MMP21: variants seen among roughly 807,000 people sequenced by gnomAD.
MMP21 encodes the protein matrix metallopeptidase 21.
A neutral mutation model predicts 47.8 loss-of-function variants in MMP21; 40 were observed. That is an observed-to-expected ratio of 0.84 (90% CI 0.65 to 1.09). MMP21 has a LOEUF of 1.09. Ranked by LOEUF, MMP21 falls within the 50% of genes least tolerant of loss-of-function variation. The pLI, the probability that MMP21 is intolerant of heterozygous loss-of-function variation, is 0.00. For synonymous variants in MMP21, 341 were observed against 318.0 expected (o/e 1.07, Z -0.77); for missense variants, 747 against 775.3 (o/e 0.96, Z 0.43).
Position 125,766,638 on chromosome 10 carries a change from C to T in MMP21, c.*24G>A. 6.4e-7 allele frequency: 1 copy of T among 1,556,398 alleles called. No homozygotes were observed. The highest frequency in any genetic ancestry group is 8.6e-7 in the Non-Finnish European group (1 of 1,156,414). ...TCAGAATTTTAGCGAAGTCCTATGACCCTCCATTTCCTACTTTTTCTTATT... is the reference window on the plus strand; with the variant it reads ...TCAGAATTTTAGCGAAGTCCTATGATCCTCCATTTCCTACTTTTTCTTATT... On this transcript the variant is annotated 3_prime_UTR_variant, in exon 7 of 7. Coordinates refer to ENST00000368808, the MANE Select transcript of MMP21 (RefSeq NM_147191.1).
intron 1 of MMP21, 75 bp downstream of exon 1, chr10:125,775,585 G>A: frequency 1.3e-6 from 2 of 1,483,512 alleles, no homozygotes; most frequent in Admixed American, 2.2e-5. Flanking sequence ...GCCTGTGCCT[G>A]TGCGCGCGTG....
chr10:125,766,582 A>T lies in MMP21; in HGVS notation c.*80T>A. On this transcript the variant is annotated 3_prime_UTR_variant, in exon 7 of 7. Coordinates refer to ENST00000368808, the MANE Select transcript of MMP21 (RefSeq NM_147191.1). ...TTACAGTGCCATATTTTCTTCAGCT[A>T]CTGAAAATCCGGTTTTCTTTGTAAA... is the stretch of plus-strand genomic sequence containing the variant. 1 of 1,215,878 alleles carries T rather than the reference A, an allele frequency of 8.2e-7. No homozygotes were observed. Among genetic ancestry groups the T allele is most frequent in the Non-Finnish European group, 1.1e-6 (1 of 884,226 alleles). The allele number at this position is 1,215,878 out of a possible 1,614,324, so 75.3% of individuals were successfully genotyped here. A position where few individuals can be genotyped will look rare whatever the true frequency, so the allele number is the denominator to read the frequency against.
Position 125,774,142 on chromosome 10 carries a change from G to T in MMP21, c.386C>A (p.Ala129Asp). ...VPDMRPPPPSAPPSPPGPPPR... is the reference protein window; with the variant it reads ...VPDMRPPPPSDPPSPPGPPPR... ...GGGCGGGCCCGGGGGCGAAGGCGGGGCGGAGGGGGGCGGTGGGCGCATGTC... is the reference window on the plus strand; with the variant it reads ...GGGCGGGCCCGGGGGCGAAGGCGGGTCGGAGGGGGGCGGTGGGCGCATGTC... The change falls in exon 2 of 7, where the codon GCC becomes GAC. Residue 129 changes from alanine to aspartate, a missense_variant. Physicochemically the swap from Ala to Asp is moderately radical, Grantham distance 126 (BLOSUM62 -2). Coordinates refer to ENST00000368808, the MANE Select transcript of MMP21 (RefSeq NM_147191.1). The T allele has an allele frequency of 3.9e-6, 5 of 1,281,692 alleles. No individual in the cohort carries two copies. The highest frequency in any genetic ancestry group is 4.9e-6 in the Non-Finnish European group (5 of 1,018,646). The allele number at this position is 1,281,692 out of a possible 1,614,324, so 79.4% of individuals were successfully genotyped here.
chr10:125,774,647 G>A (rs1850495619), intron 1 of MMP21, among the ~76,000 whole-genome samples: 1 of 152,202 alleles, frequency 6.6e-6, no homozygotes, highest in South Asian at 2.1e-4. Context: ...GGCCCTGGAT[G>A]GGCACCAGGC....
At position 125,773,518 on chromosome 10, in the gene MMP21, C is replaced by T. The variant is rs1850476539; in HGVS notation, c.697+313G>A. On this transcript the variant is annotated intron_variant, in intron 2 of 6. Transcript: ENST00000368808. This position sits in a 1 kb window ranked among gnomAD's most constrained non-coding sequence, Gnocchi z 4.8. Reference sequence around the variant, plus strand: ...ACCCTGCCCTGTCCTGAGACCCCAGCTGCTGCTCCCTAGGGAAGCTGGAGG... The same window carrying T: ...ACCCTGCCCTGTCCTGAGACCCCAGTTGCTGCTCCCTAGGGAAGCTGGAGG... Among the ~76,000 whole-genome samples the T allele has an allele frequency of 6.6e-6, 1 of 152,142 alleles. No homozygotes were observed. The highest frequency in any genetic ancestry group is 6.5e-5 in the Admixed American group (1 of 15,284).
chr10:125,775,428 T>C (rs992616464), intron 1 of MMP21, among the ~76,000 whole-genome samples: 4 of 152,166 alleles, frequency 2.6e-5, no homozygotes, highest in Non-Finnish European at 5.9e-5. Context: ...GCACTGACAT[T>C]TCTTTCTCAC....
Position 125,774,232 on chromosome 10 carries a change from G to C in MMP21, c.296C>G (p.Pro99Arg), listed in dbSNP as rs972267007. Residue 99 changes from proline to arginine, a missense_variant, in exon 2 of 7, where the codon CCG becomes CGG. Transcript: ENST00000368808. ...VRRFQRANAL[P>R]ASGELDAATL... ...GGCCGCGTCCAGCTCCCCGCTGGCC[G>C]GCAGCGCGTTCGCCCGCTGGAACCT... The C allele has an allele frequency of 5.6e-5, 78 of 1,396,618 alleles. No homozygotes were observed. The highest frequency in any genetic ancestry group is 9.2e-5 in the Admixed American group (3 of 32,784). 86.5% of individuals were successfully genotyped at this position (1,396,618 alleles called of 1,614,324 possible). A position where few individuals can be genotyped will look rare whatever the true frequency, so the allele number is the denominator to read the frequency against.
Position 125,772,555 on chromosome 10 carries a change from G to C in MMP21, c.837+56C>G. Reference sequence around the variant, plus strand: ...TGAGAAAAGCTTGGACTTTTTGGACGTCAGCCCATGAGCACTGCTGGTGTC... The same window carrying C: ...TGAGAAAAGCTTGGACTTTTTGGACCTCAGCCCATGAGCACTGCTGGTGTC... On this transcript the variant is annotated intron_variant, in intron 3 of 6. Transcript: ENST00000368808. The surrounding 1 kb of genome is among the most constrained non-coding windows in gnomAD (Gnocchi z 5.6). The C allele has an allele frequency of 6.2e-7, 1 of 1,608,680 alleles. No individual in the cohort carries two copies. The highest frequency in any genetic ancestry group is 2.2e-5 in the East Asian group (1 of 44,722).
chr10:125,774,288 G>A lies in MMP21; in HGVS notation c.240C>T (p.Pro80=). ...GPSPEGPPET[P]KGAALAEAVR... is the part of the protein sequence containing the mutation. ...CCGCCTCGGCCAGGGCGGCGCCCTT[G>A]GGGGTCTCCGGCGGCCCCTCGGGAC... Residue 80 remains proline (P), a synonymous_variant, in exon 2 of 7, where the codon CCC becomes CCT. Transcript: ENST00000368808. 7.0e-7 allele frequency: 1 copy of A among 1,418,872 alleles called. No individual in the cohort carries two copies. The highest frequency in any genetic ancestry group is 9.1e-7 in the Non-Finnish European group (1 of 1,094,654). 87.9% of individuals were successfully genotyped at this position (1,418,872 alleles called of 1,614,324 possible). A position where few individuals can be genotyped will look rare whatever the true frequency, so the allele number is the denominator to read the frequency against.
In MMP21 at chr10:125,770,579, C is replaced by T; in HGVS notation, c.992G>A (p.Gly331Glu). 6.2e-7 allele frequency: 1 copy of T among 1,613,892 alleles called. No homozygotes were observed. Among genetic ancestry groups the T allele is most frequent in the Non-Finnish European group, 8.5e-7 (1 of 1,179,840 alleles). Residue 331 changes from glycine (G) to glutamate (E), a missense_variant, in exon 5 of 7, where the codon GGA (glycine) becomes GAA (glutamate). Physicochemically the swap from Gly to Glu is moderately conservative, Grantham distance 98. Coordinates refer to ENST00000368808, the MANE Select transcript of MMP21 (RefSeq NM_147191.1). ...AIQKLYGSCE[G>E]SFDTAFDWIR... Reference sequence around the variant, plus strand: ...CCAGTCAAACGCAGTATCAAATGATCCCTCACAGGAGCCTTAAAAAAACAA... The same window carrying T: ...CCAGTCAAACGCAGTATCAAATGATTCCTCACAGGAGCCTTAAAAAAACAA...
rs1272525255 is a variant in MMP21, at chr10:125,774,107, G to C, written c.421C>G (p.Arg141Gly). ...PSPPGPPPRA[R>G]SRRSPRAPLS... ...GGCGCCCGCGGGGAGCGCCTGGAGC[G>C]GGCTCTGGGGGGCGGGCCCGGGGGC... The change falls in exon 2 of 7, where the codon CGC (arginine) becomes GGC (glycine). Residue 141 changes from arginine to glycine, a missense_variant. Physicochemically the swap from Arg to Gly is moderately radical, Grantham distance 125. Transcript: ENST00000368808. The C allele has an allele frequency of 7.5e-7, 1 of 1,324,558 alleles. No individual in the cohort carries two copies. Among genetic ancestry groups the C allele is most frequent in the Non-Finnish European group, 9.6e-7 (1 of 1,043,872 alleles). The allele number at this position is 1,324,558 out of a possible 1,614,324, so 82.1% of individuals were successfully genotyped here.
Position 125,775,816 on chromosome 10 carries a change from G to C in MMP21, c.6C>G (p.Leu2=). M[L]AASIFRPTLL... ...GTGTCGGACGGAAGATGGAGGCGGC[G>C]AGCATTGGCCTGGTCTGAACCCTTG... Residue 2 remains leucine (L), a synonymous_variant, in exon 1 of 7, where the codon CTC becomes CTG. Coordinates refer to ENST00000368808, the MANE Select transcript of MMP21 (RefSeq NM_147191.1). 1 of 1,606,942 alleles carries C rather than the reference G, an allele frequency of 6.2e-7. No individual in the cohort carries two copies. Among genetic ancestry groups the C allele is most frequent in the Non-Finnish European group, 8.5e-7 (1 of 1,176,880 alleles).
rs775238584 is a variant in MMP21, at chr10:125,774,336, C to T, written c.192G>A (p.Gly64=). The change falls in exon 2 of 7, where the codon GGG becomes GGA. Residue 64 remains glycine (G), a synonymous_variant. Transcript: ENST00000368808. ...GACTGGGCCCCCAGGCCGCCCACAC[C>T]CCTGACCAGCCGTATCTGGACAGGA... is the stretch of plus-strand genomic sequence containing the variant. The part of the protein sequence containing the change: ...QRFLSRYGWS[G]VWAAWGPSPE... The T allele has an allele frequency of 2.4e-5, 34 of 1,398,316 alleles. No homozygotes were observed. The highest frequency in any genetic ancestry group is 3.0e-5 in the Non-Finnish European group (33 of 1,082,410). The allele number at this position is 1,398,316 out of a possible 1,614,324, so 86.6% of individuals were successfully genotyped here. A position where few individuals can be genotyped will look rare whatever the true frequency, so the allele number is the denominator to read the frequency against.
At chr10:125,767,435 C>G in intron 6 of MMP21, 97 bp downstream of exon 6, 1 of 1,221,324 alleles carries the variant, frequency 8.2e-7, no homozygotes, top group Non-Finnish European at 1.1e-6. Flanking sequence ...GCCACTGTGG[C>G]AGGCCAAGTA....
At chr10:125,771,985 A>G (rs1251143414) in intron 4 of MMP21, among the ~76,000 whole-genome samples, 1 of 152,128 alleles carries the variant, frequency 6.6e-6, no homozygotes, top group Non-Finnish European at 1.5e-5. Context: ...CTCCTGGGAA[A>G]TGCATGTGGT....
chr10:125,773,675 C>G lies in MMP21; in HGVS notation c.697+156G>C, dbSNP rs1315719367. On this transcript the variant is annotated intron_variant, in intron 2 of 6. Coordinates refer to ENST00000368808, the MANE Select transcript of MMP21 (RefSeq NM_147191.1). The surrounding 1 kb of genome is among the most constrained non-coding windows in gnomAD (Gnocchi z 4.8). ...TGACCATGATTCCGACAAGACGACG[C>G]TGACCGGTGGCTTCTGCCTGCCCCG... Among the ~76,000 whole-genome samples the G allele has an allele frequency of 6.6e-6, 1 of 152,138 alleles. No homozygotes were observed. The highest frequency in any genetic ancestry group is 2.4e-5 in the African/African-American group (1 of 41,448).
Position 125,767,010 on chromosome 10 carries a change from T to A in MMP21, c.1411-49A>T, listed in dbSNP as rs1416943485. Reference sequence around the variant, plus strand: ...GGCTCTTCTGAAAATTATTAATATTTTTTGGTTAATTTATAACAATGAGAT... The same window carrying A: ...GGCTCTTCTGAAAATTATTAATATTATTTGGTTAATTTATAACAATGAGAT... On this transcript the variant is annotated intron_variant, in intron 6 of 6. Transcript: ENST00000368808. The A allele has an allele frequency of 3.5e-6, 5 of 1,443,356 alleles. No homozygotes were observed. In the South Asian group the frequency reaches 7.2e-5, roughly 21 times the overall value. The allele number at this position is 1,443,356 out of a possible 1,614,324, so 89.4% of individuals were successfully genotyped here. A position where few individuals can be genotyped will look rare whatever the true frequency, so the allele number is the denominator to read the frequency against.
chr10:125,768,317 A>G (rs1442326399), intron 5 of MMP21, among the ~76,000 whole-genome samples: 1 of 152,186 alleles, frequency 6.6e-6, no homozygotes, highest in Non-Finnish European at 1.5e-5. Flanking sequence ...CTGAGCCAGG[A>G]ATGCAAGCCA....
Position 125,767,537 on chromosome 10 carries a change from A to G in MMP21, c.1405T>C (p.Ser469Pro). Residue 469 changes from serine to proline, a missense_variant, in exon 6 of 7, where the codon TCC becomes CCC. Ser to Pro is a moderately conservative substitution (Grantham distance 74, BLOSUM62 -1). Coordinates refer to ENST00000368808, the MANE Select transcript of MMP21 (RefSeq NM_147191.1). The stretch of plus-strand genomic sequence containing the variant: ...CTGAAGAGCCTTCTACTTACAAGGG[A>G]CTCCTTGAAGAAGTAAATTAACTTC... ...RQKLIYFFKE[S>P]LVFAFDVNRN... 1 of 1,613,840 alleles carries G rather than the reference A, an allele frequency of 6.2e-7. No individual in the cohort carries two copies. The highest frequency in any genetic ancestry group is 1.1e-5 in the South Asian group (1 of 91,078).
Sources: gnomAD v4.1 joint callset for allele counts (sites outside exome capture counted in the v4.1 genomes callset) on GRCh38, gnomAD v4.1.1 for gene constraint, Gnocchi (gnomAD v3.1) non-coding constraint, MANE v1.5 for transcripts, NCBI Gene and HGNC (gene_info 2026-07-23, HGNC 2026-07-21) for gene names.